EBF2: variants seen among roughly 807,000 people sequenced by gnomAD.
EBF2 encodes transcription factor COE2.
Under a neutral mutation model 72.8 loss-of-function variants are expected in EBF2, and 21 were observed. That is an observed-to-expected ratio of 0.29 (90% CI 0.20 to 0.42). The LOEUF is 0.42. Among genes scored for constraint, EBF2 ranks in the 10% least tolerant of loss-of-function variants. EBF2 has a pLI of 1.00. For missense variants in EBF2, 637 were observed against 731.2 expected, an observed-to-expected ratio of 0.87 and a Z score of 1.49; for synonymous variants, 299 against 274.2, an observed-to-expected ratio of 1.09 and a Z score of -0.89.
chr8:25,926,127 C>G (rs544639966), intron 6 of EBF2, among the ~76,000 whole-genome samples: 1 of 152,064 alleles, frequency 6.6e-6, no homozygotes, highest in South Asian at 2.1e-4. Context: ...GTCCTTCTAC[C>G]GGGAAGCAAG....
chr8:25,892,983 C>T (rs1452513004), intron 7 of EBF2, among the ~76,000 whole-genome samples: 1 of 152,180 alleles, frequency 6.6e-6, no homozygotes. Context: ...AAGATGGCGG[C>T]ATCTATCACT....
At chr8:25,946,896 G>A (rs1444339303) in intron 6 of EBF2, among the ~76,000 whole-genome samples, 1 of 152,176 alleles carries the variant, frequency 6.6e-6, no homozygotes, top group African/African-American at 2.4e-5. Flanking sequence ...GTAGTGGAGA[G>A]GGTTAGTCTA....
At chr8:25,901,516 T>A (rs985870185) in intron 7 of EBF2, among the ~76,000 whole-genome samples, 1 of 151,822 alleles carries the variant, frequency 6.6e-6, no homozygotes, top group Admixed American at 6.6e-5. Context: ...CGACCTAATA[T>A]ACACGCTTGT....
chr8:25,986,459 G>A (rs1249166107), intron 6 of EBF2, among the ~76,000 whole-genome samples: 3 of 152,166 alleles, frequency 2.0e-5, no homozygotes, highest in Non-Finnish European at 4.4e-5. Flanking sequence ...CCCAAAGACA[G>A]GGGCAGTTCT....
chr8:26,009,158 G>C (rs974122348), intron 6 of EBF2, among the ~76,000 whole-genome samples: 11 of 136,732 alleles, frequency 8.0e-5, no homozygotes, highest in Non-Finnish European at 9.3e-5. Context: ...GTTTGAGTTT[G>C]TCATAAAAGA....
chr8:25,963,225 G>A (rs987173031), intron 6 of EBF2, among the ~76,000 whole-genome samples: 2 of 152,146 alleles, frequency 1.3e-5, no homozygotes, highest in South Asian at 4.2e-4. Context: ...CTTAGCCAAG[G>A]CACAGGGAAA....
intron 7 of EBF2, among the ~76,000 whole-genome samples, chr8:25,893,271 ATTTTTTTTTT>A (rs201829098): frequency 0.47 from 52,053 of 111,458 alleles, 11,706 homozygotes; most frequent in East Asian, 0.64. Context: ...TAATTCTTCC[ATTTTTTTTTT>A]TTTTTTTTTT....
chr8:25,844,700 A>G, intron 15 of EBF2, 60 bp from the exon 16 acceptor site: 9 of 1,598,530 alleles, frequency 5.6e-6, no homozygotes, highest in Non-Finnish European at 7.7e-6. Flanking sequence ...CAAGGCTATG[A>G]CACAGAATGA....
intron 6 of EBF2, among the ~76,000 whole-genome samples, chr8:25,988,281 G>T (rs1341432955): frequency 6.6e-6 from 1 of 152,122 alleles, no homozygotes; most frequent in African/African-American, 2.4e-5. Context: ...ATCTTCCCAA[G>T]GCTCCATTAG....
At chr8:25,926,264 G>T (rs1269744707) in intron 6 of EBF2, among the ~76,000 whole-genome samples, 6 of 152,112 alleles carry the variant, frequency 3.9e-5, no homozygotes, top group African/African-American at 1.4e-4. Context: ...GTATTCTCTG[G>T]CCCTGAATCC....
chr8:25,881,922 G>GA (rs1336559740), intron 10 of EBF2, among the ~76,000 whole-genome samples: 1 of 152,176 alleles, frequency 6.6e-6, no homozygotes, highest in Non-Finnish European at 1.5e-5. Context: ...GAGGCCCGGG[G>GA]AAAACCATCT....
intron 7 of EBF2, among the ~76,000 whole-genome samples, chr8:25,895,518 CA>C (rs1374199521): frequency 6.6e-6 from 1 of 152,186 alleles, no homozygotes; most frequent in African/African-American, 2.4e-5. Flanking sequence ...TGTATCTTCC[CA>C]TGAAAAATAC....
chr8:25,924,376 T>C (rs1803351642), intron 6 of EBF2, among the ~76,000 whole-genome samples: 1 of 152,296 alleles, frequency 6.6e-6, no homozygotes, highest in Middle Eastern at 3.4e-3. Context: ...AAAGTGATCC[T>C]CCCCAGAGCT....
chr8:25,956,958 T>C (rs1213675009), intron 6 of EBF2, among the ~76,000 whole-genome samples: 2 of 152,248 alleles, frequency 1.3e-5, no homozygotes, highest in Non-Finnish European at 2.9e-5. Context: ...GGAAGCCAGA[T>C]TGACGCATTA....
chr8:26,031,271 C>A (rs1805398709), intron 6 of EBF2, among the ~76,000 whole-genome samples: 1 of 152,066 alleles, frequency 6.6e-6, no homozygotes. Context: ...TCATATGCAT[C>A]CAGTCTCCCA....
At chr8:26,041,590 T>C (rs1805601622) in intron 2 of EBF2, 2 of 161,434 alleles carry the variant, frequency 1.2e-5, no homozygotes, top group Non-Finnish European at 2.7e-5. Flanking sequence ...TGTCCTTCAT[T>C]TGAGACCGAA....
At chr8:25,850,894 T>A in intron 14 of EBF2, 133 bp from the exon 15 acceptor site, 1 of 965,048 alleles carries the variant, frequency 1.0e-6, no homozygotes, top group Non-Finnish European at 1.5e-6. Context: ...AAAAAAAAGT[T>A]GAATGTGACA....
chr8:25,851,931 C>T (rs1801985809), intron 14 of EBF2, among the ~76,000 whole-genome samples: 1 of 152,090 alleles, frequency 6.6e-6, no homozygotes, highest in Non-Finnish European at 1.5e-5. Context: ...TATTTTGGGC[C>T]ACGTCCACCC....
At chr8:25,889,922 A>G in intron 7 of EBF2, 53 bp from the exon 8 acceptor site, 1 of 1,492,316 alleles carries the variant, frequency 6.7e-7, no homozygotes, top group Non-Finnish European at 9.3e-7. Context: ...TTAGTTTCAC[A>G]TGAAGTAGCA....
Sources: gnomAD v4.1 joint callset for allele counts (sites outside exome capture counted in the v4.1 genomes callset) on GRCh38, gnomAD v4.1.1 for gene constraint, MANE v1.5 for transcripts, NCBI Gene and HGNC (gene_info 2026-07-23, HGNC 2026-07-21) for gene names.